The following TPO variants were observed in gnomAD, a reference collection of about 807,000 sequenced individuals.
TPO encodes thyroid microsomal antigen.
A neutral mutation model predicts 96.9 loss-of-function variants in TPO; 78 were observed. The ratio of observed to expected loss-of-function variants is 0.81; its 90% CI spans 0.67 to 0.97. The LOEUF (loss-of-function observed/expected upper bound fraction) is 0.97. TPO is among the 50% of genes least tolerant of loss of function. The pLI is 0.00. For synonymous variants in TPO, 547 were observed against 538.0 expected, an observed-to-expected ratio of 1.02 and a Z score of -0.23; for missense variants, 1,252 against 1,274.8, an observed-to-expected ratio of 0.98 and a Z score of 0.27.
chr2:1,540,698 G>A lies in TPO; in HGVS notation c.2723G>A (p.Arg908Gln), dbSNP rs761593853. 4.3e-5 allele frequency: 70 copies of A among 1,613,250 alleles called. 1 individual carries two copies. In the South Asian group the frequency reaches 6.1e-4, roughly 14 times the overall value. Reference sequence around the variant, plus strand: ...CAGGCCGTAGGGACCTCACCGCAGCGGGCCGCAGCTCAGGACTCGGAGCAG... The same window carrying A: ...CAGGCCGTAGGGACCTCACCGCAGCAGGCCGCAGCTCAGGACTCGGAGCAG... ...KHQAVGTSPQ[R>Q]AAAQDSEQES... The change falls in exon 16 of 17, where the codon CGG (arginine) becomes CAG (glutamine). Residue 908 changes from arginine (R) to glutamine (Q), a missense_variant. By Grantham distance (43) the Arg-to-Gln change is conservative. Transcript: ENST00000329066.
At chr2:1,498,739 C>T (rs181359565) in intron 13 of TPO, among the ~76,000 whole-genome samples, 19 of 152,340 alleles carry the variant, frequency 1.2e-4, no homozygotes, top group African/African-American at 4.3e-4. Context: ...GTGATGACAT[C>T]TGTGTAAACT....
At chr2:1,492,877 G>T (rs768012849) in intron 10 of TPO, among the ~76,000 whole-genome samples, 1 of 152,182 alleles carries the variant, frequency 6.6e-6, no homozygotes. Flanking sequence ...ATCAGAACCC[G>T]TGGGAGTGAG....
Position 1,477,317 on chromosome 2 carries a change from C to A in TPO, c.1051C>A (p.Arg351Ser). 6.4e-7 allele frequency: 1 copy of A among 1,567,522 alleles called. No homozygotes were observed. Among genetic ancestry groups the A allele is most frequent in the Non-Finnish European group, 8.6e-7 (1 of 1,157,124 alleles). ...CTGGACCAGTGCCGAAGGGCTGCTC[C>A]GCGTCCACGCGCGCCTCCGGGACTC... is the stretch of plus-strand genomic sequence containing the variant. ...RNWTSAEGLL[R>S]VHARLRDSGR... is the part of the protein sequence containing the mutation. Residue 351 changes from arginine (R) to serine (S), a missense_variant, in exon 8 of 17, where the codon CGC becomes AGC. Transcript: ENST00000329066.
rs373690942 is a variant in TPO at position 1,528,298 on chromosome 2, T to G, written c.2618+11316T>G. ...CCCCCACAGTGAGCAAAAACACAAA[T>G]TCCCCCACTGTGTGCAACCTCCACA... On this transcript the variant is annotated intron_variant, in intron 15 of 16. Coordinates refer to ENST00000329066, the MANE Select transcript of TPO (RefSeq NM_001206744.2). Among the ~76,000 whole-genome samples, 92 of 102,940 alleles carry G rather than the reference T, an allele frequency of 8.9e-4. 1 individual carries two copies. Among genetic ancestry groups the G allele is most frequent in the African/African-American group, 3.0e-3 (75 of 24,596 alleles). The allele number at this position is 102,940 out of a possible 152,430, so 67.5% of individuals were successfully genotyped here. A position where few individuals can be genotyped will look rare whatever the true frequency, so the allele number is the denominator to read the frequency against.
At chr2:1,503,832 T>G (rs941934136) in intron 13 of TPO, 116 bp from the exon 14 acceptor site, 2 of 1,583,510 alleles carry the variant, frequency 1.3e-6, no homozygotes, top group Non-Finnish European at 1.7e-6. Flanking sequence ...CCAGGTGGGA[T>G]GGCAGGCAAA....
intron 15 of TPO, among the ~76,000 whole-genome samples, chr2:1,529,112 ACT>A (rs1677357715): frequency 2.1e-5 from 1 of 48,176 alleles, no homozygotes; most frequent in South Asian, 7.2e-4. Context: ...AAATCCCCCC[ACT>A]GTGTGCAACC....
At chr2:1,415,301 T>C (rs1263174681) in intron 2 of TPO, among the ~76,000 whole-genome samples, 58 of 107,976 alleles carry the variant, frequency 5.4e-4, no homozygotes, top group Admixed American at 1.9e-4. Context: ...GACACCTCAC[T>C]GGGCAGGTCC....
intron 2 of TPO, among the ~76,000 whole-genome samples, chr2:1,421,873 A>T (rs1663574908): frequency 6.6e-6 from 1 of 152,144 alleles, no homozygotes; most frequent in South Asian, 2.1e-4. Context: ...TGTCCCCAGC[A>T]CGCACACATT....
chr2:1,528,442 T>C lies in TPO; in HGVS notation c.2618+11460T>C, dbSNP rs564396228. Among the ~76,000 whole-genome samples, 361 of 126,492 alleles carry C rather than the reference T, an allele frequency of 2.9e-3. 1 individual carries two copies. The highest frequency in any genetic ancestry group is 0.011 in the African/African-American group (342 of 30,564). The allele number at this position is 126,492 out of a possible 152,430, so 83.0% of individuals were successfully genotyped here. A position where few individuals can be genotyped will look rare whatever the true frequency, so the allele number is the denominator to read the frequency against. On this transcript the variant is annotated intron_variant, in intron 15 of 16. Coordinates refer to ENST00000329066, the MANE Select transcript of TPO (RefSeq NM_001206744.2). Reference sequence around the variant, plus strand: ...GTGCAACCTGCTCAAATCCCCCCACTGTGTGCAACCTCCTCAAATCTCTCA... The same window carrying C: ...GTGCAACCTGCTCAAATCCCCCCACCGTGTGCAACCTCCTCAAATCTCTCA...
intron 2 of TPO, among the ~76,000 whole-genome samples, chr2:1,421,123 G>C (rs1316760425): frequency 6.6e-6 from 1 of 152,172 alleles, no homozygotes; most frequent in Non-Finnish European, 1.5e-5. Flanking sequence ...ACCATGGAGA[G>C]AAGAGAGCCA....
rs747299200 is a variant in TPO, at chr2:1,503,977, C to T, written c.2416C>T (p.Pro806Ser). The T allele has an allele frequency of 9.3e-6, 15 of 1,613,960 alleles. No individual in the cohort carries two copies. The Admixed American group carries it at 2.3e-4, about 25-fold the overall frequency. Residue 806 changes from proline to serine, a missense_variant, in exon 14 of 17, where the codon CCC becomes TCC. Physicochemically the swap from Pro to Ser is moderately conservative, Grantham distance 74. Coordinates refer to ENST00000329066, the MANE Select transcript of TPO (RefSeq NM_001206744.2). The part of the protein sequence containing the change: ...DVNECADGAH[P>S]PCHASARCRN... ...GAACGAGTGTGCAGACGGTGCCCAC[C>T]CCCCCTGCCACGCCTCTGCGAGGTG...
chr2:1,444,935 T>C (rs11687810), intron 5 of TPO, among the ~76,000 whole-genome samples: 1,862 of 8,616 alleles, frequency 0.22, 624 homozygotes, highest in East Asian at 0.52. Flanking sequence ...GATCCAGTCA[T>C]TGCTGCAGGA....
chr2:1,542,758 CCACTCT>C lies in TPO; in HGVS notation c.*285_*290del. On this transcript the variant is annotated 3_prime_UTR_variant, in exon 17 of 17. Transcript: ENST00000329066. ...CTTTATTTTGTGAACCCTGGAAACA[CCACTCT>C]TGCAATCCTCCTGTCTCCACCTTCT... 1 of 836,828 alleles carries C rather than the reference CCACTCT, an allele frequency of 1.2e-6. No homozygotes were observed. Among genetic ancestry groups the C allele is most frequent in the Non-Finnish European group, 1.8e-6 (1 of 557,958 alleles). The allele number at this position is 836,828 out of a possible 1,614,324, so 51.8% of individuals were successfully genotyped here.
At position 1,438,842 on chromosome 2, in the gene TPO, C is replaced by G. The variant is rs1009085249; in HGVS notation, c.482+2458C>G. The G allele has an allele frequency of 7.0e-6, 5 of 716,044 alleles. No homozygotes were observed. The African/African-American group carries it at 8.8e-5, about 13-fold the overall frequency. 44.4% of individuals were successfully genotyped at this position (716,044 alleles called of 1,614,324 possible). On this transcript the variant is annotated intron_variant, in intron 5 of 16. Coordinates refer to ENST00000329066, the MANE Select transcript of TPO (RefSeq NM_001206744.2). The stretch of plus-strand genomic sequence containing the variant: ...AAAATGAAATATAAGCCCGACCATT[C>G]CGAAACTGCCAACTAACCTGTTTAA...
chr2:1,540,178 A>C (rs116022734), intron 15 of TPO, among the ~76,000 whole-genome samples: 2 of 152,030 alleles, frequency 1.3e-5, no homozygotes, highest in African/African-American at 4.8e-5. Context: ...CTTCAGGCTC[A>C]GGTTGAAGAT....
At chr2:1,437,124 G>GT (rs1237750405) in intron 5 of TPO, among the ~76,000 whole-genome samples, 1 of 152,232 alleles carries the variant, frequency 6.6e-6, no homozygotes, top group African/African-American at 2.4e-5. Context: ...TAAAGGATGA[G>GT]TGGGCATTTC....
At chr2:1,480,559 TACACAC>T (rs3036105) in intron 8 of TPO, among the ~76,000 whole-genome samples, 201 of 44,350 alleles carry the variant, frequency 4.5e-3, no homozygotes, top group South Asian at 5.4e-3. Context: ...TCAAACCCCC[TACACAC>T]ACACACACAC....
chr2:1,531,365 C>A (rs1212868349), intron 15 of TPO, among the ~76,000 whole-genome samples: 1 of 86,600 alleles, frequency 1.2e-5, no homozygotes, highest in Admixed American at 1.1e-4. Flanking sequence ...CTCCCCAAAT[C>A]CTCCCGACTC....
In TPO at chr2:1,504,061, G is replaced by A. The variant is rs368163933; in HGVS notation, c.2500G>A (p.Asp834Asn). The A allele has an allele frequency of 1.3e-5, 21 of 1,614,042 alleles. No individual in the cohort carries two copies. The African/African-American group carries it at 1.7e-4, about 13-fold the overall frequency. ...LCADPYELGDDGRTCVDSGRL... is the reference protein window; with the variant it reads ...LCADPYELGDNGRTCVDSGRL... ...CGCGGACCCCTACGAGTTAGGAGAC[G>A]ATGGGAGAACCTGCGTAGGTGAGGC... is the stretch of plus-strand genomic sequence containing the variant. The change falls in exon 14 of 17, where the codon GAT becomes AAT. Residue 834 changes from aspartate (D) to asparagine (N), a missense_variant. Transcript: ENST00000329066.
Sources: allele counts gnomAD v4.1 joint callset (sites outside exome capture counted in the v4.1 genomes callset), GRCh38; gene constraint gnomAD v4.1.1; transcripts MANE v1.5; gene names NCBI Gene and HGNC (gene_info 2026-07-23, HGNC 2026-07-21).